Variants in WWOX observed in about 807,000 individuals in gnomAD.
The protein encoded by WWOX is WW domain containing oxidoreductase, also known as WW domain-containing oxidoreductase.
A neutral mutation model predicts 46.2 loss-of-function variants in WWOX; 69 were observed. That is an observed-to-expected ratio of 1.49 (90% confidence interval 1.23 to 1.82). The LOEUF is 1.82. WWOX is among the 40% of genes most tolerant of loss of function. The pLI is 0.00. For missense variants in WWOX, 919 were observed against 542.6 expected, an observed-to-expected ratio of 1.69 and a Z score of -6.89; for synonymous variants, 359 against 202.6, an observed-to-expected ratio of 1.77 and a Z score of -6.56.
chr16:78,774,576 C>G (rs930458247), intron 8 of WWOX, among the ~76,000 whole-genome samples: 2 of 151,864 alleles, frequency 1.3e-5, no homozygotes, highest in African/African-American at 4.8e-5. Flanking sequence ...CCCTCCCCCC[C>G]CACACATATG....
intron 8 of WWOX, among the ~76,000 whole-genome samples, chr16:78,828,816 A>G (rs535944792): frequency 8.5e-5 from 13 of 152,276 alleles, no homozygotes; most frequent in African/African-American, 2.6e-4. Context: ...ATTGGAAACT[A>G]TGTAATGGAG....
intron 8 of WWOX, among the ~76,000 whole-genome samples, chr16:79,176,019 C>A (rs1445920695): frequency 6.6e-6 from 1 of 152,176 alleles, no homozygotes; most frequent in Admixed American, 6.5e-5. Context: ...CTCTATGAAA[C>A]TGGATTTTCC....
At chr16:78,796,349 A>G (rs2050737102) in intron 8 of WWOX, among the ~76,000 whole-genome samples, 1 of 152,230 alleles carries the variant, frequency 6.6e-6, no homozygotes, top group African/African-American at 2.4e-5. Context: ...GACATCTGAC[A>G]GGGGAAGAAA....
At chr16:78,960,623 C>G (rs1200866474) in intron 8 of WWOX, among the ~76,000 whole-genome samples, 1 of 152,188 alleles carries the variant, frequency 6.6e-6, no homozygotes, top group Non-Finnish European at 1.5e-5. Context: ...AGGAAATTGT[C>G]TCTACCTTCA....
At chr16:78,760,883 A>G (rs1428284129) in intron 8 of WWOX, among the ~76,000 whole-genome samples, 1 of 152,180 alleles carries the variant, frequency 6.6e-6, no homozygotes, top group East Asian at 1.9e-4. Flanking sequence ...TCACAATCAT[A>G]ATGGAAGGGG....
intron 8 of WWOX, among the ~76,000 whole-genome samples, chr16:78,450,720 T>C (rs1036087940): frequency 3.3e-5 from 5 of 152,206 alleles, no homozygotes; most frequent in African/African-American, 1.2e-4. Flanking sequence ...GTGTGCTATG[T>C]GTATGATTTG....
intron 8 of WWOX, among the ~76,000 whole-genome samples, chr16:79,022,116 A>G (rs1236123223): frequency 6.6e-6 from 1 of 152,226 alleles, no homozygotes; most frequent in African/African-American, 2.4e-5. Context: ...GTGCAGAGGC[A>G]CGTAGGCCTG....
intron 8 of WWOX, among the ~76,000 whole-genome samples, chr16:78,575,229 G>C (rs2667521): frequency 6.8e-6 from 1 of 147,100 alleles, no homozygotes; most frequent in African/African-American, 2.5e-5. Context: ...TCTGTCCCTG[G>C]AGGTGAGGGC....
chr16:78,635,595 T>G (rs898563746), intron 8 of WWOX, among the ~76,000 whole-genome samples: 3 of 152,100 alleles, frequency 2.0e-5, no homozygotes, highest in Non-Finnish European at 4.4e-5. Context: ...AATGAAGATG[T>G]TGGTTATTTC....
At chr16:78,856,759 T>A (rs1007493146) in intron 8 of WWOX, among the ~76,000 whole-genome samples, 7 of 152,144 alleles carry the variant, frequency 4.6e-5, no homozygotes, top group African/African-American at 1.7e-4. Flanking sequence ...TACATAGATT[T>A]AACACACATA....
chr16:79,124,719 T>A (rs745545590), intron 8 of WWOX, among the ~76,000 whole-genome samples: 11 of 152,216 alleles, frequency 7.2e-5, no homozygotes, highest in Non-Finnish European at 1.3e-4. Context: ...AAAACAGATG[T>A]GAAACATTTG....
intron 8 of WWOX, chr16:79,196,610 T>C (rs2051245588): frequency 6.6e-6 from 1 of 152,228 alleles, no homozygotes; most frequent in Non-Finnish European, 1.5e-5. Flanking sequence ...CTTCTCCTGA[T>C]ACTCCACATA....
rs1465916700 is a variant in WWOX, at chr16:78,314,705, T to G, written c.517-72155T>G. 1.8e-4 allele frequency among the ~76,000 whole-genome samples: 12 copies of G among 67,442 alleles called. 1 individual carries two copies. Among genetic ancestry groups the G allele is most frequent in the South Asian group, 1.7e-3 (3 of 1,740 alleles). The allele number at this position is 67,442 out of a possible 152,430, so 44.2% of individuals were successfully genotyped here. ...CTGCAGGGGTTTTTTTTTTTTGTTT[T>G]TTTTTTTTTTTTTTTTCTGTATTTT... is the stretch of plus-strand genomic sequence containing the variant. On this transcript the variant is annotated intron_variant, in intron 5 of 8. Transcript: ENST00000566780.
intron 6 of WWOX, among the ~76,000 whole-genome samples, chr16:78,393,345 A>G (rs2082215497): frequency 6.6e-6 from 1 of 152,154 alleles, no homozygotes; most frequent in South Asian, 2.1e-4. Flanking sequence ...GGTGCTCTGT[A>G]ATACTTTTTC....
chr16:79,020,841 G>C (rs576972947), intron 8 of WWOX, among the ~76,000 whole-genome samples: 4 of 152,140 alleles, frequency 2.6e-5, no homozygotes, highest in African/African-American at 9.6e-5. Context: ...GAGGTTTGAT[G>C]GTTTAATTCT....
chr16:78,832,189 A>C lies in WWOX; in HGVS notation c.1057-379419A>C, dbSNP rs545895300. On this transcript the variant is annotated intron_variant, in intron 8 of 8. Coordinates refer to ENST00000566780, the MANE Select transcript of WWOX (RefSeq NM_016373.4). The stretch of plus-strand genomic sequence containing the variant: ...GTCTCAGAATCCTTGACTGAAGGGG[A>C]GGTTTCGTGTCCAAGGGGCTCACTG... Among the ~76,000 whole-genome samples, 263 of 152,132 alleles carry C rather than the reference A, an allele frequency of 1.7e-3. 3 individuals are homozygous for C. Among genetic ancestry groups the C allele is most frequent in the African/African-American group, 6.1e-3 (254 of 41,510 alleles).
chr16:78,646,048 G>T (rs2046832972), intron 8 of WWOX, among the ~76,000 whole-genome samples: 1 of 151,878 alleles, frequency 6.6e-6, no homozygotes, highest in Admixed American at 6.6e-5. Flanking sequence ...GATCCTTTGT[G>T]ACTGCATTGG....
chr16:78,983,915 T>G (rs2151336821), intron 8 of WWOX, among the ~76,000 whole-genome samples: 1 of 142,090 alleles, frequency 7.0e-6, no homozygotes, highest in Non-Finnish European at 1.5e-5. Context: ...TCTTGCTCTG[T>G]TACCCAGGCT....
intron 6 of WWOX, among the ~76,000 whole-genome samples, chr16:78,392,451 A>T (rs899795558): frequency 6.6e-6 from 1 of 151,668 alleles, no homozygotes; most frequent in African/African-American, 2.4e-5. Context: ...ATTATATATT[A>T]CAACGTAATA....
Sources: allele counts gnomAD v4.1 joint callset (sites outside exome capture counted in the v4.1 genomes callset), GRCh38; gene constraint gnomAD v4.1.1; transcripts MANE v1.5; gene names NCBI Gene and HGNC (gene_info 2026-07-23, HGNC 2026-07-21).